BCL7C: variants seen among roughly 807,000 people sequenced by gnomAD.
The protein encoded by BCL7C is BAF chromatin remodeling complex subunit BCL7C, also known as B-cell CLL/lymphoma 7 protein family member C.
Under a neutral mutation model 26.2 loss-of-function variants are expected in BCL7C, and 8 were observed. That is an observed-to-expected ratio of 0.30 (90% CI 0.18 to 0.55). BCL7C has a LOEUF of 0.55. Ranked by LOEUF, BCL7C falls within the 20% of genes least tolerant of loss-of-function variation. BCL7C has a pLI of 0.93. For missense variants in BCL7C, 262 were observed against 298.5 expected, an observed-to-expected ratio of 0.88 and a Z score of 0.90; for synonymous variants, 90 against 116.5, an observed-to-expected ratio of 0.77 and a Z score of 1.47.
At chr16:30,880,532 T>G (rs924979123) in intron 5 of BCL7C, among the ~76,000 whole-genome samples, 1 of 103,780 alleles carries the variant, frequency 9.6e-6, no homozygotes, top group South Asian at 5.0e-4. Flanking sequence ...ACCCCGTCTC[T>G]ACTAAAAATA....
At chr16:30,835,612 G>C (rs1270791028) in intron 5 of BCL7C, among the ~76,000 whole-genome samples, 1 of 152,064 alleles carries the variant, frequency 6.6e-6, no homozygotes, top group Non-Finnish European at 1.5e-5. Flanking sequence ...TTGGGAGGCC[G>C]AGGTGGGTGG....
chr16:30,849,394 A>AT (rs1325444800), intron 5 of BCL7C, among the ~76,000 whole-genome samples: 1 of 151,586 alleles, frequency 6.6e-6, no homozygotes, highest in East Asian at 1.9e-4. Flanking sequence ...TCTAGTAACA[A>AT]TTTTTGTCTT....
intron 5 of BCL7C, among the ~76,000 whole-genome samples, chr16:30,854,551 A>G (rs2054702685): frequency 6.6e-6 from 1 of 152,140 alleles, no homozygotes; most frequent in Non-Finnish European, 1.5e-5. Context: ...TATGGATGAA[A>G]GTTCTCTTAG....
chr16:30,873,490 C>T (rs1000132489), intron 5 of BCL7C, among the ~76,000 whole-genome samples: 1 of 152,056 alleles, frequency 6.6e-6, no homozygotes, highest in Non-Finnish European at 1.5e-5. Flanking sequence ...TTGAACTGTA[C>T]ACTTTAAATG....
At chr16:30,888,363 GTC>G (rs1490769466) in intron 5 of BCL7C, among the ~76,000 whole-genome samples, 6 of 152,114 alleles carry the variant, frequency 3.9e-5, no homozygotes, top group Non-Finnish European at 1.5e-5. Flanking sequence ...TTGAGAAGGA[GTC>G]TCGCTCTGTC....
chr16:30,847,500 C>T (rs1373742222), intron 5 of BCL7C, among the ~76,000 whole-genome samples: 2 of 152,050 alleles, frequency 1.3e-5, no homozygotes, highest in Non-Finnish European at 2.9e-5. Flanking sequence ...TTAATAGGGT[C>T]AAATCTCATC....
At chr16:30,885,603 C>T (rs1351513457), downstream of BCL7C, among the ~76,000 whole-genome samples, 1 of 152,058 alleles carries the variant, frequency 6.6e-6, no homozygotes, top group Non-Finnish European at 1.5e-5. Flanking sequence ...GGAGTTTCAC[C>T]TTGTTGGTCA....
At chr16:30,884,942 C>CAA (rs764692326), downstream of BCL7C, among the ~76,000 whole-genome samples, 3 of 152,164 alleles carry the variant, frequency 2.0e-5, no homozygotes, top group Non-Finnish European at 4.4e-5. Flanking sequence ...CTAACCCACA[C>CAA]AAGGGACTTT....
At chr16:30,846,371 G>A (rs191794215) in intron 5 of BCL7C, among the ~76,000 whole-genome samples, 33 of 151,242 alleles carry the variant, frequency 2.2e-4, no homozygotes, top group Non-Finnish European at 3.5e-4. Context: ...GACTACAGGC[G>A]CCCACCAACA....
At chr16:30,853,013 G>A (rs2054689902) in intron 5 of BCL7C, among the ~76,000 whole-genome samples, 1 of 151,716 alleles carries the variant, frequency 6.6e-6, no homozygotes, top group African/African-American at 2.4e-5. Flanking sequence ...ACGGCTCACC[G>A]CACCCTCCGC....
At chr16:30,889,552 C>T (rs566708040) in intron 4 of BCL7C, among the ~76,000 whole-genome samples, 1 of 152,134 alleles carries the variant, frequency 6.6e-6, no homozygotes, top group South Asian at 2.1e-4. Flanking sequence ...TGCAGTGGCG[C>T]GATCTCGGCT....
intron 5 of BCL7C, among the ~76,000 whole-genome samples, chr16:30,835,857 G>T (rs1274148799): frequency 6.6e-6 from 1 of 150,932 alleles, no homozygotes; most frequent in Non-Finnish European, 1.5e-5. Flanking sequence ...AGAAAAAAAA[G>T]AAAAAATTTT....
chr16:30,841,308 G>A (rs911452807), intron 5 of BCL7C, among the ~76,000 whole-genome samples: 1 of 152,190 alleles, frequency 6.6e-6, no homozygotes, highest in African/African-American at 2.4e-5. Flanking sequence ...GAATGTGACT[G>A]TATTTGGAGA....
chr16:30,890,148 C>T, intron 4 of BCL7C, among the ~76,000 whole-genome samples: 1 of 151,954 alleles, frequency 6.6e-6, no homozygotes, highest in Non-Finnish European at 1.5e-5. Context: ...GTAATCCCAG[C>T]ACTTTGGGAG....
chr16:30,844,697 C>CT (rs2054623941), intron 5 of BCL7C, among the ~76,000 whole-genome samples: 1 of 152,166 alleles, frequency 6.6e-6, no homozygotes, highest in Admixed American at 6.5e-5. Flanking sequence ...TTAGGCCTTC[C>CT]TGTCATATTG....
At chr16:30,858,058 A>T (rs550198928) in intron 5 of BCL7C, among the ~76,000 whole-genome samples, 43 of 152,050 alleles carry the variant, frequency 2.8e-4, no homozygotes, top group Non-Finnish European at 5.1e-4. Flanking sequence ...TAGAGTTCTG[A>T]AAAAGCTGAT....
intron 5 of BCL7C, among the ~76,000 whole-genome samples, chr16:30,877,223 A>T (rs992190988): frequency 1.3e-5 from 2 of 152,058 alleles, no homozygotes; most frequent in Non-Finnish European, 2.9e-5. Context: ...CCAGGAGGCA[A>T]ACTCAGTATC....
intron 5 of BCL7C, among the ~76,000 whole-genome samples, chr16:30,839,558 G>A (rs892465795): frequency 1.2e-4 from 19 of 152,232 alleles, no homozygotes; most frequent in Admixed American, 3.3e-4. Context: ...AGCAGAACAG[G>A]AAGTTATGAG....
chr16:30,855,542 C>T (rs1364091713), intron 5 of BCL7C, among the ~76,000 whole-genome samples: 1 of 152,062 alleles, frequency 6.6e-6, no homozygotes, highest in Non-Finnish European at 1.5e-5. Flanking sequence ...TGCACCTGGC[C>T]CTGCCCTTCT....
Sources: gnomAD v4.1 joint callset for allele counts (sites outside exome capture counted in the v4.1 genomes callset) on GRCh38, gnomAD v4.1.1 for gene constraint, MANE v1.5 for transcripts, NCBI Gene and HGNC (gene_info 2026-07-23, HGNC 2026-07-21) for gene names.